The following NTN1 variants were observed in gnomAD, a reference collection of about 807,000 sequenced individuals.
NTN1 encodes the protein netrin 1, also known as netrin-1.
NTN1 carries 11 observed loss-of-function variants against 54.2 expected under a neutral mutation model. The ratio of observed to expected loss-of-function variants is 0.20; its 90% CI spans 0.13 to 0.34. The LOEUF is 0.34. Ranked by LOEUF, NTN1 falls within the 10% of genes least tolerant of loss-of-function variation. NTN1 has a pLI of 1.00. For synonymous variants in NTN1, 371 were observed against 382.0 expected (o/e 0.97, Z 0.33); for missense variants, 740 against 893.1 (o/e 0.83, Z 2.18).
At chr17:9,113,027 TA>T (rs772597242) in intron 2 of NTN1, among the ~76,000 whole-genome samples, 8 of 145,300 alleles carry the variant, frequency 5.5e-5, no homozygotes, top group Non-Finnish European at 4.6e-5. Flanking sequence ...GAATTTTTTT[TA>T]TTTTTATTTT....
At chr17:9,108,600 C>T (rs1405869264) in intron 2 of NTN1, among the ~76,000 whole-genome samples, 2 of 152,160 alleles carry the variant, frequency 1.3e-5, no homozygotes, top group African/African-American at 2.4e-5. Context: ...GTAGACATAG[C>T]AAGTGAGACT....
At chr17:9,104,957 C>A (rs995248839) in intron 2 of NTN1, among the ~76,000 whole-genome samples, 1 of 152,212 alleles carries the variant, frequency 6.6e-6, no homozygotes, top group African/African-American at 2.4e-5. Flanking sequence ...GCCGAGGCCC[C>A]TGTGATGGTG....
intron 2 of NTN1, among the ~76,000 whole-genome samples, chr17:9,110,007 A>G (rs1045406453): frequency 2.0e-5 from 3 of 152,000 alleles, no homozygotes; most frequent in Non-Finnish European, 4.4e-5. Flanking sequence ...TATATTCTGG[A>G]TACAAGTCCT....
At position 9,212,391 on chromosome 17, in the gene NTN1, C is replaced by G. The variant is rs113075088; in HGVS notation, c.1412-8777C>G. ...ATGAAACCCACGGATGCCTGCGGCA[C>G]CTTGAAAACCGAACACATGGAAATC... On this transcript the variant is annotated intron_variant, in intron 5 of 6. Coordinates refer to ENST00000173229, the MANE Select transcript of NTN1 (RefSeq NM_004822.3). The surrounding 1 kb of genome is among the most constrained non-coding windows in gnomAD (Gnocchi z 5.5). Among the ~76,000 whole-genome samples, 40 of 152,322 alleles carry G rather than the reference C, an allele frequency of 2.6e-4. 1 individual carries two copies. The highest frequency in any genetic ancestry group is 8.4e-4 in the African/African-American group (35 of 41,574).
chr17:9,115,913 C>G (rs760606222), intron 2 of NTN1, among the ~76,000 whole-genome samples: 8 of 152,244 alleles, frequency 5.3e-5, no homozygotes. Flanking sequence ...TATGAACAGT[C>G]GGAGAATTTT....
At chr17:9,029,528 G>A (rs1394923951) in intron 2 of NTN1, among the ~76,000 whole-genome samples, 1 of 152,186 alleles carries the variant, frequency 6.6e-6, no homozygotes, top group East Asian at 1.9e-4. Context: ...AAAGAAGTGA[G>A]CTGCCTGGGC....
Position 9,068,366 on chromosome 17 carries a change from G to A in NTN1, c.1018+44975G>A, listed in dbSNP as rs1314273105. Among the ~76,000 whole-genome samples, 3 of 152,126 alleles carry A rather than the reference G, an allele frequency of 2.0e-5. No individual in the cohort carries two copies. In the East Asian group the frequency reaches 5.8e-4, roughly 29 times the overall value. On this transcript the variant is annotated intron_variant, in intron 2 of 6. Coordinates refer to ENST00000173229, the MANE Select transcript of NTN1 (RefSeq NM_004822.3). ...TGGCTAATTTTTAAAACAAATTTTT[G>A]TAGAGACGAGGTCCTACTATGTTGC...
intron 2 of NTN1, among the ~76,000 whole-genome samples, chr17:9,136,919 A>G (rs1222278848): frequency 6.6e-6 from 1 of 152,132 alleles, no homozygotes; most frequent in Non-Finnish European, 1.5e-5. Context: ...GAAGGCCTTG[A>G]CAGTCAGCCC....
At position 9,205,291 on chromosome 17, in the gene NTN1, C is replaced by T. The variant is rs576291876; in HGVS notation, c.1412-15877C>T. Among the ~76,000 whole-genome samples, 23 of 152,262 alleles carry T rather than the reference C, an allele frequency of 1.5e-4. No homozygotes were observed. In the South Asian group the frequency reaches 2.9e-3, roughly 19 times the overall value. ...ATAGATGGGGGTAGAGGAAGCTACA[C>T]GGAGGTTCTGCCTGAGGGCTGGGAA... On this transcript the variant is annotated intron_variant, in intron 5 of 6. Coordinates refer to ENST00000173229, the MANE Select transcript of NTN1 (RefSeq NM_004822.3).
chr17:9,111,324 C>T (rs751814363), intron 2 of NTN1, among the ~76,000 whole-genome samples: 2 of 152,120 alleles, frequency 1.3e-5, no homozygotes, highest in Non-Finnish European at 2.9e-5. Flanking sequence ...GCAGTTAGGT[C>T]ATGGACATAT....
chr17:9,025,032 A>C (rs974353924), intron 2 of NTN1, among the ~76,000 whole-genome samples: 4 of 152,084 alleles, frequency 2.6e-5, no homozygotes, highest in African/African-American at 9.7e-5. Flanking sequence ...AGGGATTCCC[A>C]GGGTTTTGCT....
intron 5 of NTN1, among the ~76,000 whole-genome samples, chr17:9,188,781 G>C (rs1904361914): frequency 6.6e-6 from 1 of 152,200 alleles, no homozygotes; most frequent in African/African-American, 2.4e-5. Context: ...TCCCAGGTAG[G>C]GAGGCTTCAG....
chr17:9,022,458 A>C lies in NTN1; in HGVS notation c.85A>C (p.Ser29Arg). The C allele has an allele frequency of 6.6e-7, 1 of 1,513,472 alleles. No homozygotes were observed. Among genetic ancestry groups the C allele is most frequent in the South Asian group, 1.2e-5 (1 of 80,840 alleles). 93.8% of individuals were successfully genotyped at this position (1,513,472 alleles called of 1,614,324 possible). A position where few individuals can be genotyped will look rare whatever the true frequency, so the allele number is the denominator to read the frequency against. ...CGCGGTGCGCGGCGGGCCCGGGCTCAGCATGTTCGCGGGCCAGGCGGCGCA... is the reference window on the plus strand; with the variant it reads ...CGCGGTGCGCGGCGGGCCCGGGCTCCGCATGTTCGCGGGCCAGGCGGCGCA... ...VGAVRGGPGL[S>R]MFAGQAAQPD... Residue 29 changes from serine to arginine, a missense_variant, in exon 2 of 7, where the codon AGC (serine) becomes CGC (arginine). Transcript: ENST00000173229.
intron 2 of NTN1, among the ~76,000 whole-genome samples, chr17:9,110,920 A>C (rs2092188096): frequency 6.8e-6 from 1 of 147,776 alleles, no homozygotes; most frequent in South Asian, 2.1e-4. Context: ...GGACCACCTT[A>C]AATTCAGGAT....
the NTN1 span, among the ~76,000 whole-genome samples, chr17:9,007,268 T>G: frequency 6.6e-6 from 1 of 151,110 alleles, no homozygotes. Context: ...CTTTCTCTCT[T>G]TCTTTTCTTT....
intron 5 of NTN1, among the ~76,000 whole-genome samples, chr17:9,198,453 A>G (rs1904695754): frequency 6.6e-6 from 1 of 152,188 alleles, no homozygotes; most frequent in Non-Finnish European, 1.5e-5. Flanking sequence ...AGCTGGGTGC[A>G]CAGGTCCAGT....
At chr17:9,231,594 G>C (rs1005699277) in intron 6 of NTN1, among the ~76,000 whole-genome samples, 2 of 152,258 alleles carry the variant, frequency 1.3e-5, no homozygotes, top group South Asian at 2.1e-4. Flanking sequence ...GGAAATGCCA[G>C]CCCGGCTTGC....
In NTN1 at chr17:9,115,745, G is replaced by A. The variant is rs2092209743; in HGVS notation, c.1019-47068G>A. On this transcript the variant is annotated intron_variant, in intron 2 of 6. Coordinates refer to ENST00000173229, the MANE Select transcript of NTN1 (RefSeq NM_004822.3). ...AGCCCCCAGAGACAAACGAACGGATGGGCCGTGGCGGAGTCTCTGGAGGCG... is the reference window on the plus strand; with the variant it reads ...AGCCCCCAGAGACAAACGAACGGATAGGCCGTGGCGGAGTCTCTGGAGGCG... 2.0e-5 allele frequency among the ~76,000 whole-genome samples: 3 copies of A among 152,232 alleles called. No homozygotes were observed. The South Asian group carries it at 6.2e-4, about 32-fold the overall frequency.
chr17:9,052,841 A>AC (rs1347511203), intron 2 of NTN1, among the ~76,000 whole-genome samples: 57 of 152,138 alleles, frequency 3.7e-4, no homozygotes, highest in Admixed American at 3.7e-3. Flanking sequence ...ACAAAATCCT[A>AC]CCTAATCCAT....
Sources: gnomAD v4.1 joint callset for allele counts (sites outside exome capture counted in the v4.1 genomes callset) on GRCh38, gnomAD v4.1.1 for gene constraint, Gnocchi (gnomAD v3.1) non-coding constraint, MANE v1.5 for transcripts, NCBI Gene and HGNC (gene_info 2026-07-23, HGNC 2026-07-21) for gene names.